The following PDE9A variants were observed in gnomAD, a reference collection of about 807,000 sequenced individuals.
PDE9A encodes the protein phosphodiesterase 9A, also known as high affinity cGMP-specific 3',5'-cyclic phosphodiesterase 9A.
PDE9A carries 60 observed loss-of-function variants against 87.4 expected under a neutral mutation model. That is an observed-to-expected ratio of 0.69 (90% CI 0.56 to 0.85). The LOEUF (loss-of-function observed/expected upper bound fraction) is 0.85. Among genes scored for constraint, PDE9A ranks in the 40% least tolerant of loss-of-function variants. The pLI is 0.00. For synonymous variants in PDE9A, 272 were observed against 279.4 expected (o/e 0.97, Z 0.27); for missense variants, 665 against 779.0 (o/e 0.85, Z 1.74).
intron 4 of PDE9A, among the ~76,000 whole-genome samples, chr21:42,726,227 C>T (rs746300138): frequency 7.2e-5 from 11 of 152,130 alleles, no homozygotes; most frequent in Non-Finnish European, 1.3e-4. Context: ...TTGTCAGATA[C>T]GTGTCTTGCA....
At position 42,659,909 on chromosome 21, in the gene PDE9A, C is replaced by G. The variant is rs953114023; in HGVS notation, c.69+6026C>G. ...AGGGCACACTGTCCCCGTCAGACGC[C>G]TCAGATGAACTGACATGCAAATGAG... is the stretch of plus-strand genomic sequence containing the variant. On this transcript the variant is annotated intron_variant, in intron 1 of 19. Transcript: ENST00000291539. This position sits in a 1 kb window ranked among gnomAD's most constrained non-coding sequence, Gnocchi z 4.1. 5.3e-5 allele frequency among the ~76,000 whole-genome samples: 8 copies of G among 152,214 alleles called. No individual in the cohort carries two copies. The highest frequency in any genetic ancestry group is 8.8e-5 in the Non-Finnish European group (6 of 68,026).
chr21:42,753,877 A>AAG, intron 9 of PDE9A, 113 bp from the exon 10 acceptor site: 1 of 585,280 alleles, frequency 1.7e-6, no homozygotes, highest in South Asian at 2.3e-5. Context: ...AAAAAAAAAA[A>AAG]AGAAAGAAAG....
At position 42,738,196 on chromosome 21, in the gene PDE9A, G is replaced by A. The variant is rs866638709; in HGVS notation, c.568+4770G>A. Reference sequence around the variant, plus strand: ...CCAAAACCTAAACACAGCGTGGGCCGTGGCAGGAGCTGACCGGCTGGGGCA... The same window carrying A: ...CCAAAACCTAAACACAGCGTGGGCCATGGCAGGAGCTGACCGGCTGGGGCA... On this transcript the variant is annotated intron_variant, in intron 7 of 19. Coordinates refer to ENST00000291539, the MANE Select transcript of PDE9A (RefSeq NM_002606.3). Among the ~76,000 whole-genome samples the A allele has an allele frequency of 7.2e-5, 11 of 152,342 alleles. No individual in the cohort carries two copies. The South Asian group carries it at 2.1e-3, about 29-fold the overall frequency.
chr21:42,733,417 C>A lies in PDE9A; in HGVS notation c.559C>A (p.Arg187Ser). The A allele has an allele frequency of 1.3e-6, 2 of 1,590,894 alleles. No individual in the cohort carries two copies. The highest frequency in any genetic ancestry group is 1.7e-6 in the Non-Finnish European group (2 of 1,158,644). ...VANHLAVLEKRVELEGLKVVE... is the reference protein window; with the variant it reads ...VANHLAVLEKSVELEGLKVVE... ...AAATCACTTGGCTGTCCTAGAGAAA[C>A]GCGTGGAATGTGAGTGACGTTTCTG... Residue 187 changes from arginine to serine, a missense_variant, in exon 7 of 20, where the codon CGC (arginine) becomes AGC (serine). Transcript: ENST00000291539.
chr21:42,700,229 G>T (rs891668624), intron 4 of PDE9A, among the ~76,000 whole-genome samples: 3 of 152,306 alleles, frequency 2.0e-5, no homozygotes, highest in African/African-American at 2.4e-5. Context: ...GGTGTAGGTT[G>T]TACCACAGGG....
At chr21:42,682,487 T>C (rs1375537771) in intron 1 of PDE9A, among the ~76,000 whole-genome samples, 1 of 152,220 alleles carries the variant, frequency 6.6e-6, no homozygotes, top group Non-Finnish European at 1.5e-5. Context: ...AACAGGCCTT[T>C]TTCAGTTTGT....
At chr21:42,680,397 C>G (rs756470805) in intron 1 of PDE9A, among the ~76,000 whole-genome samples, 1 of 152,234 alleles carries the variant, frequency 6.6e-6, no homozygotes, top group Admixed American at 6.5e-5. Context: ...GCAGAGGTCC[C>G]GTGTGCTGTC....
rs1813822775 is a variant in PDE9A at position 42,659,798 on chromosome 21, C to T, written c.69+5915C>T. Among the ~76,000 whole-genome samples the T allele has an allele frequency of 1.3e-5, 2 of 152,228 alleles. No individual in the cohort carries two copies. The highest frequency in any genetic ancestry group is 6.5e-5 in the Admixed American group (1 of 15,282). On this transcript the variant is annotated intron_variant, in intron 1 of 19. Coordinates refer to ENST00000291539, the MANE Select transcript of PDE9A (RefSeq NM_002606.3). This position sits in a 1 kb window ranked among gnomAD's most constrained non-coding sequence, Gnocchi z 4.1. ...CGTCTTCCAGCCAGCCTCTCCGGAG[C>T]TCAGTGTGGGTGGAGGGGCTGTCTG...
At chr21:42,679,775 T>A (rs1049638366) in intron 1 of PDE9A, among the ~76,000 whole-genome samples, 5 of 152,116 alleles carry the variant, frequency 3.3e-5, no homozygotes, top group Admixed American at 2.6e-4. Context: ...CCCCCACCCA[T>A]GAGAGACCCT....
At chr21:42,752,421 G>A (rs1456735270) in intron 9 of PDE9A, among the ~76,000 whole-genome samples, 1 of 152,010 alleles carries the variant, frequency 6.6e-6, no homozygotes. Context: ...GGCACCCACC[G>A]CCATGCCCGG....
rs758161681 is a variant in PDE9A, at chr21:42,659,624, C to T, written c.69+5741C>T. 2.6e-5 allele frequency among the ~76,000 whole-genome samples: 4 copies of T among 152,328 alleles called. No individual in the cohort carries two copies. The highest frequency in any genetic ancestry group is 3.9e-4 in the East Asian group (2 of 5,182). ...TTCTCTCATCCTGGACCCATCAGCC[C>T]GGAAGACTCTGGAAGCAGCAGTGGC... is the stretch of plus-strand genomic sequence containing the variant. On this transcript the variant is annotated intron_variant, in intron 1 of 19. Coordinates refer to ENST00000291539, the MANE Select transcript of PDE9A (RefSeq NM_002606.3). The surrounding 1 kb of genome is among the most constrained non-coding windows in gnomAD (Gnocchi z 4.1).
At chr21:42,701,430 C>CT (rs78233841) in intron 4 of PDE9A, among the ~76,000 whole-genome samples, 41,549 of 142,364 alleles carry the variant, frequency 0.29, 6,078 homozygotes, top group East Asian at 0.53. Flanking sequence ...TGCTGTTTTG[C>CT]TTTTTTTTTT....
rs2146828551 is a variant in PDE9A, at chr21:42,739,389, A to AT, written c.569-4387_569-4386insT. Among the ~76,000 whole-genome samples, 1 of 152,266 alleles carries AT rather than the reference A, an allele frequency of 6.6e-6. No individual in the cohort carries two copies. Among genetic ancestry groups the AT allele is most frequent in the Non-Finnish European group, 1.5e-5 (1 of 68,006 alleles). ...GGAGCTGTGGAATCTTCCCCAAAGC[A>AT]GCCGGGTGTCCTGGAAAGGCCAGGG... On this transcript the variant is annotated intron_variant, in intron 7 of 19. Transcript: ENST00000291539. This position sits in a 1 kb window ranked among gnomAD's most constrained non-coding sequence, Gnocchi z 4.1.
chr21:42,760,995 C>G lies in PDE9A; in HGVS notation c.1085+88C>G. On this transcript the variant is annotated intron_variant, in intron 13 of 19. Transcript: ENST00000291539. The surrounding 1 kb of genome is among the most constrained non-coding windows in gnomAD (Gnocchi z 5.2). ...GTCAGCCCAACCCTCAGAGCAGTTC[C>G]CAGATGGAGCTGTCAACGACGGCCT... is the stretch of plus-strand genomic sequence containing the variant. 2.4e-6 allele frequency: 2 copies of G among 849,624 alleles called. No individual in the cohort carries two copies. The highest frequency in any genetic ancestry group is 2.7e-5 in the South Asian group (2 of 73,552). The allele number at this position is 849,624 out of a possible 1,614,324, so 52.6% of individuals were successfully genotyped here. A position where few individuals can be genotyped will look rare whatever the true frequency, so the allele number is the denominator to read the frequency against.
chr21:42,678,876 G>A (rs143134538), intron 1 of PDE9A, among the ~76,000 whole-genome samples: 352 of 152,348 alleles, frequency 2.3e-3, no homozygotes, highest in African/African-American at 6.3e-3. Flanking sequence ...GGGAGGCAGC[G>A]TGGCACGGCA....
chr21:42,658,777 CT>C (rs1351963227), intron 1 of PDE9A, among the ~76,000 whole-genome samples: 1 of 152,218 alleles, frequency 6.6e-6, no homozygotes, highest in African/African-American at 2.4e-5. Flanking sequence ...ATGTTTGTAA[CT>C]TTTGACCTTT....
rs1260174338 is a variant in PDE9A, at chr21:42,733,411, G to T, written c.553G>T (p.Glu185Ter). 6.3e-7 allele frequency: 1 copy of T among 1,597,990 alleles called. No homozygotes were observed. The highest frequency in any genetic ancestry group is 1.1e-5 in the South Asian group (1 of 90,748). Residue 185 changes from glutamate (E) to a stop codon, truncating the protein, a stop_gained, in exon 7 of 20, where the codon GAG (glutamate) becomes TAG (stop). Coordinates refer to ENST00000291539, the MANE Select transcript of PDE9A (RefSeq NM_002606.3). LOFTEE classifies it high-confidence loss of function. ...AEVANHLAVL[E>*]KRVELEGLKV... ...AGTTGCAAATCACTTGGCTGTCCTAGAGAAACGCGTGGAATGTGAGTGACG... is the reference window on the plus strand; with the variant it reads ...AGTTGCAAATCACTTGGCTGTCCTATAGAAACGCGTGGAATGTGAGTGACG...
At chr21:42,771,264 A>G (rs1031586959) in intron 18 of PDE9A, among the ~76,000 whole-genome samples, 1 of 152,122 alleles carries the variant, frequency 6.6e-6, no homozygotes, top group South Asian at 2.1e-4. Flanking sequence ...CCCAGAACAC[A>G]CACCGGCACC....
intron 1 of PDE9A, among the ~76,000 whole-genome samples, chr21:42,656,446 G>A (rs937533743): frequency 3.3e-5 from 5 of 152,216 alleles, no homozygotes; most frequent in Non-Finnish European, 5.9e-5. Flanking sequence ...TCTGTGCTCC[G>A]GCAAAGCTCC....
Sources: allele counts gnomAD v4.1 joint callset (sites outside exome capture counted in the v4.1 genomes callset), GRCh38; gene constraint gnomAD v4.1.1; non-coding constraint Gnocchi (gnomAD v3.1); transcripts MANE v1.5; gene names NCBI Gene and HGNC (gene_info 2026-07-23, HGNC 2026-07-21).